The following LGR4 variants were observed in gnomAD, a reference collection of about 807,000 sequenced individuals.
The protein encoded by LGR4 is leucine-rich repeat-containing G protein-coupled receptor 4.
Under a neutral mutation model 84.8 loss-of-function variants are expected in LGR4, and 44 were observed. The observed-to-expected ratio is 0.52, with a 90% CI of 0.41 to 0.67. LGR4 has a LOEUF of 0.67. LGR4 is among the 30% of genes least tolerant of loss of function. LGR4 has a pLI of 0.00. For synonymous variants in LGR4, 429 were observed against 434.3 expected, an observed-to-expected ratio of 0.99 and a Z score of 0.15; for missense variants, 1,032 against 1,131.4, an observed-to-expected ratio of 0.91 and a Z score of 1.26.
chr11:27,431,725 C>T (rs532828742), intron 1 of LGR4, among the ~76,000 whole-genome samples: 2 of 152,260 alleles, frequency 1.3e-5, no homozygotes, highest in South Asian at 2.1e-4. Context: ...CTTACTAATC[C>T]GTGTAAGATG....
At chr11:27,416,363 C>T (rs897862082) in intron 1 of LGR4, among the ~76,000 whole-genome samples, 3 of 152,128 alleles carry the variant, frequency 2.0e-5, no homozygotes, top group Non-Finnish European at 4.4e-5. Flanking sequence ...GTTTGTAAAA[C>T]GGAGGCAGTA....
intron 1 of LGR4, 97 bp downstream of exon 1, chr11:27,472,020 CG>C: frequency 1.1e-6 from 1 of 870,956 alleles, no homozygotes; most frequent in Non-Finnish European, 1.5e-6. Flanking sequence ...GGCGGCGGGG[CG>C]GGGTGGGGTG....
At chr11:27,425,329 T>A (rs146786369) in intron 1 of LGR4, among the ~76,000 whole-genome samples, 1,561 of 148,786 alleles carry the variant, frequency 0.01, 25 homozygotes, top group African/African-American at 0.038. Flanking sequence ...CAGCACAGTT[T>A]TTTTTTTTGT....
chr11:27,446,899 G>A (rs2133439488), intron 1 of LGR4, among the ~76,000 whole-genome samples: 1 of 152,156 alleles, frequency 6.6e-6, no homozygotes, highest in South Asian at 2.1e-4. Flanking sequence ...CATGGATGAA[G>A]CTGGAAACCA....
At chr11:27,417,972 C>T (rs78687999) in intron 1 of LGR4, among the ~76,000 whole-genome samples, 5,290 of 152,166 alleles carry the variant, frequency 0.035, 94 homozygotes, top group Middle Eastern at 0.088. Context: ...AGCCACCATG[C>T]CAAAAGGAAT....
In LGR4 at chr11:27,432,097, T is replaced by C. The variant is rs549936488; in HGVS notation, c.186-19237A>G. The stretch of plus-strand genomic sequence containing the variant: ...GTGGTTCAGGACTGAAATACTGATC[T>C]ACATAGCAGAGCATTGCCACTCACT... On this transcript the variant is annotated intron_variant, in intron 1 of 17. Transcript: ENST00000379214. Among the ~76,000 whole-genome samples the C allele has an allele frequency of 5.3e-5, 8 of 152,306 alleles. No homozygotes were observed. In the South Asian group the frequency reaches 1.0e-3, roughly 20 times the overall value.
At position 27,385,323 on chromosome 11, in the gene LGR4, T is replaced by C. The variant is rs745810561; in HGVS notation, c.547A>G (p.Thr183Ala). The change falls in exon 5 of 18, where the codon ACC becomes GCC. Residue 183 changes from threonine to alanine, a missense_variant. By Grantham distance (58) the Thr-to-Ala change is moderately conservative. Transcript: ENST00000379214. ...CTTGAGATCTTGTTGAGAGCCAGGG[T>C]CAGCGCCTGTAGGGTGGGCAGATTG... ...LSNLPTLQALTLALNKISSIP... is the reference protein window; with the variant it reads ...LSNLPTLQALALALNKISSIP... The C allele has an allele frequency of 5.6e-6, 9 of 1,609,390 alleles. No individual in the cohort carries two copies. In the East Asian group the frequency reaches 2.0e-4, roughly 36 times the overall value.
At chr11:27,373,339 G>C in intron 15 of LGR4, 1 of 419,372 alleles carries the variant, frequency 2.4e-6, no homozygotes, top group East Asian at 3.5e-5. Flanking sequence ...TTATCTCTTT[G>C]AGGCCATCAA....
At chr11:27,451,841 C>T (rs1864486067) in intron 1 of LGR4, among the ~76,000 whole-genome samples, 1 of 152,200 alleles carries the variant, frequency 6.6e-6, no homozygotes, top group South Asian at 2.1e-4. Context: ...TAATAAAATA[C>T]TTTCATAATA....
At chr11:27,425,912 ACC>A (rs772429914) in intron 1 of LGR4, among the ~76,000 whole-genome samples, 5 of 152,136 alleles carry the variant, frequency 3.3e-5, no homozygotes, top group Non-Finnish European at 7.3e-5. Context: ...TTCTCCCTGG[ACC>A]CCTATGCTCC....
chr11:27,393,100 C>G (rs1289539677), intron 2 of LGR4, among the ~76,000 whole-genome samples: 2 of 152,006 alleles, frequency 1.3e-5, no homozygotes, highest in Admixed American at 6.6e-5. Flanking sequence ...ATGACAAATT[C>G]AAGTGGAGAT....
chr11:27,379,452 C>A (rs1863050145), intron 10 of LGR4, among the ~76,000 whole-genome samples: 1 of 152,210 alleles, frequency 6.6e-6, no homozygotes, highest in African/African-American at 2.4e-5. Context: ...TCTCCTTACC[C>A]TCCTCACATT....
intron 9 of LGR4, 105 bp from the exon 10 acceptor site, chr11:27,380,444 G>T: frequency 2.4e-6 from 2 of 817,890 alleles, no homozygotes; most frequent in Non-Finnish European, 3.9e-6. Context: ...AATAAAACTA[G>T]TTTCATCTCT....
intron 1 of LGR4, among the ~76,000 whole-genome samples, chr11:27,465,605 TAA>T (rs1390055805): frequency 6.6e-6 from 1 of 152,244 alleles, no homozygotes; most frequent in Non-Finnish European, 1.5e-5. Flanking sequence ...TCTTGCAATT[TAA>T]AAGAGGTGTT....
At chr11:27,428,752 T>C (rs1221999379) in intron 1 of LGR4, among the ~76,000 whole-genome samples, 1 of 152,006 alleles carries the variant, frequency 6.6e-6, no homozygotes, top group African/African-American at 2.4e-5. Flanking sequence ...TTTCTTTTTT[T>C]TGTTTTTTTA....
At position 27,372,344 on chromosome 11, in the gene LGR4, A is replaced by G. The variant is rs1189704424; in HGVS notation, c.1434T>C (p.Ser478=). 9.9e-6 allele frequency: 16 copies of G among 1,613,808 alleles called. No individual in the cohort carries two copies. Among genetic ancestry groups the G allele is most frequent in the Admixed American group, 6.7e-5 (4 of 59,994 alleles). Residue 478 remains serine, a synonymous_variant, in exon 16 of 18, where the codon TCT becomes TCC. Coordinates refer to ENST00000379214, the MANE Select transcript of LGR4 (RefSeq NM_018490.5). ...TATCTTCTGTGTTTAAATTTGCATAAGAGTCACAACCCCAAAATGCACAGC... is the reference window on the plus strand; with the variant it reads ...TATCTTCTGTGTTTAAATTTGCATAGGAGTCACAACCCCAAAATGCACAGC... ...YQCCAFWGCD[S]YANLNTEDNS... is the part of the protein sequence containing the mutation.
chr11:27,402,929 C>T lies in LGR4; in HGVS notation c.257+9860G>A, dbSNP rs576681159. Among the ~76,000 whole-genome samples, 143 of 152,252 alleles carry T rather than the reference C, an allele frequency of 9.4e-4. 1 individual carries two copies. The highest frequency in any genetic ancestry group is 3.1e-3 in the African/African-American group (127 of 41,540). On this transcript the variant is annotated intron_variant, in intron 2 of 17. Transcript: ENST00000379214. The stretch of plus-strand genomic sequence containing the variant: ...CTACAGAGCAGAATGTCAGGGCCTA[C>T]GTCTCTGCTAACTTTGTGATGCATC...
At chr11:27,389,644 C>T (rs1863245056) in intron 4 of LGR4, among the ~76,000 whole-genome samples, 1 of 151,966 alleles carries the variant, frequency 6.6e-6, no homozygotes, top group South Asian at 2.1e-4. Context: ...ATTATTAAAT[C>T]TTACAAAATG....
In LGR4 at chr11:27,406,330, C is replaced by T. The variant is rs138440428; in HGVS notation, c.257+6459G>A. Among the ~76,000 whole-genome samples, 17 of 152,236 alleles carry T rather than the reference C, an allele frequency of 1.1e-4. No individual in the cohort carries two copies. In the East Asian group the frequency reaches 3.1e-3, roughly 28 times the overall value. On this transcript the variant is annotated intron_variant, in intron 2 of 17. Coordinates refer to ENST00000379214, the MANE Select transcript of LGR4 (RefSeq NM_018490.5). ...ACAAAAGTTTGTTGAATTTACTATA[C>T]ATTGTCTAGCAAGTCCTTCCTCACC...
Sources: allele counts gnomAD v4.1 joint callset (sites outside exome capture counted in the v4.1 genomes callset), GRCh38; gene constraint gnomAD v4.1.1; transcripts MANE v1.5; gene names NCBI Gene and HGNC (gene_info 2026-07-23, HGNC 2026-07-21).